TPP2: variants seen among roughly 807,000 people sequenced by gnomAD.
The protein encoded by TPP2 is tripeptidyl-peptidase 2.
In TPP2, 34 loss-of-function variants were observed where a neutral mutation model predicts 155.9. The ratio of observed to expected loss-of-function variants is 0.22; its 90% CI spans 0.17 to 0.29. The LOEUF (loss-of-function observed/expected upper bound fraction) is 0.29, where lower values mean the gene tolerates loss of function less well. Among genes scored for constraint, TPP2 ranks in the 10% least tolerant of loss-of-function variants. TPP2 has a pLI of 1.00. For missense variants in TPP2, 1,028 were observed against 1,522.3 expected, an observed-to-expected ratio of 0.68 and a Z score of 5.40; for synonymous variants, 510 against 529.4, an observed-to-expected ratio of 0.96 and a Z score of 0.50.
At chr13:102,618,483 GAATA>G (rs1566328111) in intron 4 of TPP2, among the ~76,000 whole-genome samples, 1 of 152,196 alleles carries the variant, frequency 6.6e-6, no homozygotes, top group African/African-American at 2.4e-5. Flanking sequence ...CCTAGTGAGT[GAATA>G]AATGAGATTG....
At chr13:102,614,770 T>G (rs955091505) in intron 3 of TPP2, among the ~76,000 whole-genome samples, 1 of 152,226 alleles carries the variant, frequency 6.6e-6, no homozygotes, top group African/African-American at 2.4e-5. Flanking sequence ...AATAGAACTT[T>G]CTGTGATAAT....
chr13:102,668,548 C>G (rs1884756102), intron 27 of TPP2, among the ~76,000 whole-genome samples: 1 of 152,118 alleles, frequency 6.6e-6, no homozygotes, highest in African/African-American at 2.4e-5. Flanking sequence ...TTCTTGGCAC[C>G]TCAGTCCAAT....
chr13:102,663,935 G>T (rs879259657), intron 26 of TPP2, among the ~76,000 whole-genome samples, 191 bp downstream of exon 26: 6 of 152,202 alleles, frequency 3.9e-5, no homozygotes, highest in Non-Finnish European at 7.3e-5. Context: ...TTTAGTTTAG[G>T]ATTCTTGCTC....
rs756130325 is a variant in TPP2 at position 102,597,020 on chromosome 13, C to A, written c.-19C>A. 15 of 1,610,180 alleles carry A rather than the reference C, an allele frequency of 9.3e-6. No homozygotes were observed. Among genetic ancestry groups the A allele is most frequent in the Admixed American group, 1.7e-5 (1 of 59,954 alleles). On this transcript the variant is annotated 5_prime_UTR_variant, in exon 1 of 30. Coordinates refer to ENST00000376052, the MANE Select transcript of TPP2 (RefSeq NM_001330588.2). Reference sequence around the variant, plus strand: ...GCAGCCTGGCAGTTTGCCGCTTCCTCGTCCTCCATCCTGCGTCCATGGCCA... The same window carrying A: ...GCAGCCTGGCAGTTTGCCGCTTCCTAGTCCTCCATCCTGCGTCCATGGCCA...
intron 8 of TPP2, among the ~76,000 whole-genome samples, chr13:102,628,620 C>G (rs1264675292): frequency 6.6e-6 from 1 of 152,068 alleles, no homozygotes; most frequent in Non-Finnish European, 1.5e-5. Flanking sequence ...CTAATGTTAC[C>G]TTCCTTTTTT....
chr13:102,655,867 C>T (rs960343086), intron 24 of TPP2, among the ~76,000 whole-genome samples: 48 of 152,084 alleles, frequency 3.2e-4, no homozygotes, highest in Non-Finnish European at 5.6e-4. Context: ...GGTTTTTCCT[C>T]AAGGCTTCCG....
chr13:102,638,258 C>T lies in TPP2; in HGVS notation c.1856C>T (p.Ala619Val). ...TTCAAGGTATGTGGCTATGATATAG[C>T]ATCCCCTAACGCAGGTCCGCTCTTC... ...HYTEVCGYDI[A>V]SPNAGPLFRV... The change falls in exon 15 of 30, where the codon GCA becomes GTA. Residue 619 changes from alanine to valine, a missense_variant. Coordinates refer to ENST00000376052, the MANE Select transcript of TPP2 (RefSeq NM_001330588.2). 6.2e-7 allele frequency: 1 copy of T among 1,612,614 alleles called. No homozygotes were observed. Among genetic ancestry groups the T allele is most frequent in the Non-Finnish European group, 8.5e-7 (1 of 1,179,924 alleles).
At chr13:102,614,947 G>A (rs924594054) in intron 3 of TPP2, among the ~76,000 whole-genome samples, 7 of 152,198 alleles carry the variant, frequency 4.6e-5, no homozygotes, top group South Asian at 2.1e-4. Context: ...AGTGACTACC[G>A]TTTTAAGAAT....
chr13:102,638,654 C>T (rs1365903994), intron 15 of TPP2, among the ~76,000 whole-genome samples: 1 of 152,314 alleles, frequency 6.6e-6, no homozygotes, highest in East Asian at 1.9e-4. Context: ...ACTTCACTCC[C>T]CTCCATTCCT....
At chr13:102,614,336 ATGAC>A in intron 3 of TPP2, 140 bp downstream of exon 3, 1 of 638,456 alleles carries the variant, frequency 1.6e-6, no homozygotes, top group East Asian at 2.9e-5. Context: ...CTTTCAAACA[ATGAC>A]TGCTTAAAGA....
In TPP2 at chr13:102,597,207, A is replaced by G; in HGVS notation, c.165+4A>G. 1 of 1,411,480 alleles carries G rather than the reference A, an allele frequency of 7.1e-7. No individual in the cohort carries two copies. The highest frequency in any genetic ancestry group is 1.5e-5 in the South Asian group (1 of 65,454). 87.4% of individuals were successfully genotyped at this position (1,411,480 alleles called of 1,614,324 possible). A position where few individuals can be genotyped will look rare whatever the true frequency, so the allele number is the denominator to read the frequency against. On this transcript the variant is annotated splice_donor_region_variant and intron_variant, in intron 1 of 29. Coordinates refer to ENST00000376052, the MANE Select transcript of TPP2 (RefSeq NM_001330588.2). The stretch of plus-strand genomic sequence containing the variant: ...CCCGGGGGCTCCGGGCATGCAGGTG[A>G]GGCGGCCCCCGAGGGCCCGGGCGCG...
At chr13:102,621,304 G>A (rs1472003334) in intron 5 of TPP2, among the ~76,000 whole-genome samples, 1 of 152,134 alleles carries the variant, frequency 6.6e-6, no homozygotes, top group East Asian at 1.9e-4. Context: ...TGTTTATTGA[G>A]TACCTTCTTT....
At position 102,657,205 on chromosome 13, in the gene TPP2, A is replaced by C; in HGVS notation, c.3141A>C (p.Thr1047=). The C allele has an allele frequency of 6.4e-7, 1 of 1,567,900 alleles. No individual in the cohort carries two copies. Among genetic ancestry groups the C allele is most frequent in the Non-Finnish European group, 8.6e-7 (1 of 1,166,866 alleles). ...GAGATCTTAAAATTCAGTGGATGACAAAGTAGGTTTTTAAATGTATTTTAA... is the reference window on the plus strand; with the variant it reads ...GAGATCTTAAAATTCAGTGGATGACCAAGTAGGTTTTTAAATGTATTTTAA... ...ALRDLKIQWM[T]KLDSSDIYNE... is the part of the protein sequence containing the mutation. Residue 1047 remains threonine (T), a splice_region_variant and synonymous_variant, in exon 25 of 30, where the codon ACA becomes ACC. Transcript: ENST00000376052.
chr13:102,643,178 G>C lies in TPP2; in HGVS notation c.2021-44G>C, dbSNP rs768699109. The C allele has an allele frequency of 9.2e-6, 14 of 1,517,768 alleles. No homozygotes were observed. The South Asian group carries it at 1.9e-4, about 20-fold the overall frequency. 94.0% of individuals were successfully genotyped at this position (1,517,768 alleles called of 1,614,324 possible). A position where few individuals can be genotyped will look rare whatever the true frequency, so the allele number is the denominator to read the frequency against. ...TTAAAGCCACTTTATGTCAATTTTA[G>C]GTCTTATAAGTTTAAAGCTTTGCTT... On this transcript the variant is annotated intron_variant, in intron 16 of 29. Coordinates refer to ENST00000376052, the MANE Select transcript of TPP2 (RefSeq NM_001330588.2).
At chr13:102,661,033 G>A (rs778691641) in intron 25 of TPP2, among the ~76,000 whole-genome samples, 4 of 152,036 alleles carry the variant, frequency 2.6e-5, no homozygotes, top group African/African-American at 4.8e-5. Flanking sequence ...TCAATGAGAC[G>A]TAGTGGTAAA....
At chr13:102,615,321 T>A (rs1312875464) in intron 3 of TPP2, among the ~76,000 whole-genome samples, 1 of 152,148 alleles carries the variant, frequency 6.6e-6, no homozygotes, top group East Asian at 1.9e-4. Context: ...ATCTAATTTT[T>A]GTATTTTTTG....
Position 102,635,722 on chromosome 13 carries a change from A to T in TPP2, c.1509+20A>T. On this transcript the variant is annotated intron_variant, in intron 12 of 29. Coordinates refer to ENST00000376052, the MANE Select transcript of TPP2 (RefSeq NM_001330588.2). ...ATTCAGGTATTGTTGCCTATATGAA[A>T]AATGGGTTGTAAAGCATCATTGAGA... 6.4e-7 allele frequency: 1 copy of T among 1,563,564 alleles called. No homozygotes were observed. The highest frequency in any genetic ancestry group is 8.8e-7 in the Non-Finnish European group (1 of 1,137,382).
At chr13:102,656,008 G>T (rs1883837992) in intron 24 of TPP2, among the ~76,000 whole-genome samples, 1 of 152,048 alleles carries the variant, frequency 6.6e-6, no homozygotes, top group Non-Finnish European at 1.5e-5. Flanking sequence ...TACCTTTAAA[G>T]AAGATCTCAA....
intron 29 of TPP2, 130 bp downstream of exon 29, chr13:102,676,545 C>A: frequency 9.2e-7 from 1 of 1,087,856 alleles, no homozygotes. Context: ...CAGTAATTAG[C>A]GTAATATGAA....
Sources: allele counts gnomAD v4.1 joint callset (sites outside exome capture counted in the v4.1 genomes callset), GRCh38; gene constraint gnomAD v4.1.1; transcripts MANE v1.5; gene names NCBI Gene and HGNC (gene_info 2026-07-23, HGNC 2026-07-21).